BORA: variants seen among roughly 807,000 people sequenced by gnomAD.
The protein encoded by BORA is protein aurora borealis.
Under a neutral mutation model 55.8 loss-of-function variants are expected in BORA, and 26 were observed. That is an observed-to-expected ratio of 0.47 (90% CI 0.34 to 0.65). The LOEUF is 0.65. Ranked by LOEUF, BORA falls within the 30% of genes least tolerant of loss-of-function variation. The pLI, the probability that BORA is intolerant of heterozygous loss-of-function variation, is 0.01. For synonymous variants in BORA, 201 were observed against 216.9 expected (o/e 0.93, Z 0.64); for missense variants, 568 against 671.5 (o/e 0.85, Z 1.70).
rs748261221 is a variant in BORA at position 72,746,604 on chromosome 13, G to A, written c.975G>A (p.Ser325=). Residue 325 remains serine (S), a synonymous_variant, in exon 10 of 12, where the codon TCG becomes TCA. Transcript: ENST00000390667. ...GAAGTCCTTATATAGATGGCTGCTCGCCAATTAAAAATTGGTCTCCTATGA... is the reference window on the plus strand; with the variant it reads ...GAAGTCCTTATATAGATGGCTGCTCACCAATTAAAAATTGGTCTCCTATGA... ...CIRSPYIDGC[S]PIKNWSPMRL... is the part of the protein sequence containing the mutation. 49 of 1,613,920 alleles carry A rather than the reference G, an allele frequency of 3.0e-5. No individual in the cohort carries two copies. Among genetic ancestry groups the A allele is most frequent in the Admixed American group, 8.3e-5 (5 of 59,970 alleles).
At chr13:72,753,882 GATT>G (rs2033354713) in intron 11 of BORA, 61 bp downstream of exon 11, 8 of 1,459,590 alleles carry the variant, frequency 5.5e-6, no homozygotes, top group Non-Finnish European at 6.6e-6. Context: ...AAATAATTTT[GATT>G]ATTAGACAAT....
rs2033111864 is a variant in BORA, at chr13:72,745,030, C to T, written c.561C>T (p.Leu187=). ...TTGCAGATCAATCTCCTGGAAACCT[C>T]AGTTCTTCATCCCTCAGAAGAAAGC... ...DEFADQSPGN[L]SSSSLRRKLF... The change falls in exon 8 of 12, where the codon CTC becomes CTT. Residue 187 remains leucine (L), a synonymous_variant. Coordinates refer to ENST00000390667, the MANE Select transcript of BORA (RefSeq NM_024808.5). 6.2e-6 allele frequency: 10 copies of T among 1,614,010 alleles called. No individual in the cohort carries two copies. Among genetic ancestry groups the T allele is most frequent in the African/African-American group, 2.7e-5 (2 of 74,928 alleles).
chr13:72,742,761 TATATATACACAC>T (rs981278948), intron 5 of BORA, among the ~76,000 whole-genome samples: 7 of 50,714 alleles, frequency 1.4e-4, no homozygotes, highest in African/African-American at 4.2e-4. Flanking sequence ...GTGATATATA[TATATATACACAC>T]ACACACACAC....
intron 3 of BORA, among the ~76,000 whole-genome samples, chr13:72,732,874 T>G (rs1444820362): frequency 6.6e-6 from 1 of 152,102 alleles, no homozygotes; most frequent in Admixed American, 6.5e-5. Context: ...GAGATACTTA[T>G]TGAGTACTGT....
At chr13:72,742,828 C>T (rs2033063673) in intron 5 of BORA, among the ~76,000 whole-genome samples, 1 of 149,168 alleles carries the variant, frequency 6.7e-6, no homozygotes, top group Non-Finnish European at 1.5e-5. Context: ...GAATACTATT[C>T]AGCCTTAAAA....
At chr13:72,732,685 AAAAT>A (rs2032844489) in intron 3 of BORA, among the ~76,000 whole-genome samples, 1 of 152,214 alleles carries the variant, frequency 6.6e-6, no homozygotes, top group Non-Finnish European at 1.5e-5. Flanking sequence ...TCAAAAAAAT[AAAAT>A]AAATAAATAA....
At chr13:72,742,574 A>G (rs562157545) in intron 5 of BORA, among the ~76,000 whole-genome samples, 46 of 152,150 alleles carry the variant, frequency 3.0e-4, no homozygotes, top group African/African-American at 1.1e-3. Context: ...CCTTAAAAAA[A>G]AAACATTACT....
In BORA at chr13:72,748,527, G is replaced by C. The variant is rs9573026; in HGVS notation, c.1482+1416G>C. On this transcript the variant is annotated intron_variant, in intron 10 of 11. Coordinates refer to ENST00000390667, the MANE Select transcript of BORA (RefSeq NM_024808.5). ...TCTAAATGACCCAAAATTAAATATA[G>C]TATTTTGCTCATATTTTTATGCTTC... is the stretch of plus-strand genomic sequence containing the variant. Among the ~76,000 whole-genome samples the C allele has an allele frequency of 9.5e-4, 145 of 152,228 alleles. No individual in the cohort carries two copies. In the Middle Eastern group the frequency reaches 0.02, roughly 21 times the overall value.
intron 10 of BORA, chr13:72,753,287 T>TATA (rs2033329924): frequency 6.3e-6 from 1 of 158,308 alleles, no homozygotes; most frequent in Non-Finnish European, 1.4e-5. Flanking sequence ...TAGGTGTAAA[T>TATA]ATAATATAAT....
chr13:72,752,887 T>C (rs1372002408), intron 10 of BORA: 1 of 152,090 alleles, frequency 6.6e-6, no homozygotes, highest in Non-Finnish European at 1.5e-5. Flanking sequence ...AAATGCAAAA[T>C]GATTCCCTTG....
At chr13:72,732,037 GT>G (rs2138041464) in intron 3 of BORA, among the ~76,000 whole-genome samples, 1 of 152,192 alleles carries the variant, frequency 6.6e-6, no homozygotes, top group East Asian at 1.9e-4. Flanking sequence ...TTCTTTTGTA[GT>G]TTTAGGGACT....
At chr13:72,728,073 C>T (rs747018370) in intron 1 of BORA, 66 bp downstream of exon 1, 67 of 1,546,502 alleles carry the variant, frequency 4.3e-5, no homozygotes, top group Non-Finnish European at 5.8e-5. Flanking sequence ...CTTTTCCCAG[C>T]TCCTGACTTG....
At chr13:72,745,521 A>T (rs772904905) in intron 8 of BORA, among the ~76,000 whole-genome samples, 6 of 152,190 alleles carry the variant, frequency 3.9e-5, no homozygotes, top group African/African-American at 4.8e-5. Flanking sequence ...ATCATTAGTC[A>T]TAGGGATGTT....
In BORA at chr13:72,751,409, C is replaced by T. The variant is rs191240742; in HGVS notation, c.1483-2281C>T. ...TGTGGTATATATACACAATGGAATACTATTCAGCCATAAAAAATAATGAAG... is the reference window on the plus strand; with the variant it reads ...TGTGGTATATATACACAATGGAATATTATTCAGCCATAAAAAATAATGAAG... On this transcript the variant is annotated intron_variant, in intron 10 of 11. Transcript: ENST00000390667. 4.5e-4 allele frequency among the ~76,000 whole-genome samples: 69 copies of T among 152,246 alleles called. No homozygotes were observed. The East Asian group carries it at 0.011, about 25-fold the overall frequency.
At chr13:72,732,087 GA>G (rs2032831697) in intron 3 of BORA, among the ~76,000 whole-genome samples, 1 of 151,922 alleles carries the variant, frequency 6.6e-6, no homozygotes, top group Admixed American at 6.6e-5. Flanking sequence ...TTTAATATTT[GA>G]AAAAAATCAA....
rs561030834 is a variant in BORA, at chr13:72,740,006, C to T, written c.388+1963C>T. Among the ~76,000 whole-genome samples, 13 of 21,086 alleles carry T rather than the reference C, an allele frequency of 6.2e-4. No individual in the cohort carries two copies. In the South Asian group the frequency reaches 0.046, roughly 74 times the overall value. 13.8% of individuals were successfully genotyped at this position (21,086 alleles called of 152,430 possible). ...GTGGCATGTCTGTGTAGTCCATGTG[C>T]GGTATGAGGGTTGGGGGGTCAGTCA... On this transcript the variant is annotated intron_variant, in intron 5 of 11. Transcript: ENST00000390667.
At position 72,728,049 on chromosome 13, in the gene BORA, G is replaced by C. The variant is rs1272154251; in HGVS notation, c.-16+42G>C. 18 of 1,550,076 alleles carry C rather than the reference G, an allele frequency of 1.2e-5. No individual in the cohort carries two copies. The East Asian group carries it at 3.9e-4, about 34-fold the overall frequency. ...TGGTCCCTGGCCTTTCCTCCTGTCT[G>C]AATGGAGAGGTTTCTTTTCCCAGCT... On this transcript the variant is annotated intron_variant, in intron 1 of 11. Coordinates refer to ENST00000390667, the MANE Select transcript of BORA (RefSeq NM_024808.5).
chr13:72,754,956 C>T, intron 11 of BORA, 195 bp from the exon 12 acceptor site: 1 of 516,684 alleles, frequency 1.9e-6, no homozygotes, highest in Non-Finnish European at 3.4e-6. Flanking sequence ...TCGTGCGATC[C>T]TCCCACCTTG....
At chr13:72,728,568 C>T (rs1467603) in intron 1 of BORA, among the ~76,000 whole-genome samples, 133,382 of 152,204 alleles carry the variant, frequency 0.88, 60,681 homozygotes, top group Non-Finnish European at 0.99. Flanking sequence ...AAAATTGTAG[C>T]TATAAGTCCT....
Sources: allele counts gnomAD v4.1 joint callset (sites outside exome capture counted in the v4.1 genomes callset), GRCh38; gene constraint gnomAD v4.1.1; transcripts MANE v1.5; gene names NCBI Gene and HGNC (gene_info 2026-07-23, HGNC 2026-07-21).